ZFPM2: variants seen among roughly 807,000 people sequenced by gnomAD.
The protein encoded by ZFPM2 is zinc finger protein ZFPM2.
Under a neutral mutation model 98.6 loss-of-function variants are expected in ZFPM2, and 20 were observed. The observed-to-expected ratio is 0.20, with a 90% CI of 0.14 to 0.29. ZFPM2 has a LOEUF of 0.29. ZFPM2 is among the 10% of genes least tolerant of loss of function. ZFPM2 has a pLI of 1.00. For synonymous variants in ZFPM2, 518 were observed against 502.7 expected (o/e 1.03, Z -0.41); for missense variants, 1,310 against 1,388.6 (o/e 0.94, Z 0.90).
intron 1 of ZFPM2, among the ~76,000 whole-genome samples, chr8:105,356,440 A>C (rs1176226881): frequency 6.6e-6 from 1 of 152,218 alleles, no homozygotes; most frequent in Non-Finnish European, 1.5e-5. Flanking sequence ...TATTTGATTC[A>C]TTACACATAG....
chr8:105,802,801 G>A lies in ZFPM2; in HGVS notation c.2719G>A (p.Val907Ile). 6.2e-7 allele frequency: 1 copy of A among 1,613,622 alleles called. No individual in the cohort carries two copies. Among genetic ancestry groups the A allele is most frequent in the Non-Finnish European group, 8.5e-7 (1 of 1,179,806 alleles). The change falls in exon 8 of 8, where the codon GTC becomes ATC. Residue 907 changes from valine (V) to isoleucine (I), a missense_variant. Physicochemically the swap from Val to Ile is conservative, Grantham distance 29. Coordinates refer to ENST00000407775, the MANE Select transcript of ZFPM2 (RefSeq NM_012082.4). ...NPESERNSPD[V>I]SYERSIIKCE... ...AGAAAGCGAACGAAACAGCCCTGAT[G>A]TCAGCTACGAAAGAAGCATAATAAA...
intron 5 of ZFPM2, among the ~76,000 whole-genome samples, chr8:105,781,301 T>C (rs1813243129): frequency 6.6e-6 from 1 of 152,196 alleles, no homozygotes; most frequent in South Asian, 2.1e-4. Context: ...ATTGGGAAAG[T>C]GCTGCATTTG....
chr8:105,673,241 A>C (rs878950147), intron 5 of ZFPM2, among the ~76,000 whole-genome samples: 2 of 140,036 alleles, frequency 1.4e-5, no homozygotes, highest in Admixed American at 7.2e-5. Flanking sequence ...CTTGTCTAAA[A>C]TTTAGTAACA....
chr8:105,465,551 T>G (rs1254921967), intron 3 of ZFPM2, among the ~76,000 whole-genome samples: 1 of 151,962 alleles, frequency 6.6e-6, no homozygotes, highest in Non-Finnish European at 1.5e-5. Context: ...ATTATACTTG[T>G]AGACTTTATA....
chr8:105,440,825 A>G (rs1812221474), intron 2 of ZFPM2, among the ~76,000 whole-genome samples: 1 of 152,162 alleles, frequency 6.6e-6, no homozygotes, highest in African/African-American at 2.4e-5. Flanking sequence ...ATCCTCTGCT[A>G]TGCTATCAGT....
chr8:105,456,191 G>T (rs1192361861), intron 3 of ZFPM2, among the ~76,000 whole-genome samples: 3 of 147,376 alleles, frequency 2.0e-5, no homozygotes, highest in Non-Finnish European at 4.5e-5. Context: ...GAAGGAAGGG[G>T]CTATGCCTGG....
chr8:105,357,100 C>T (rs111780639), intron 1 of ZFPM2, among the ~76,000 whole-genome samples: 1 of 86,206 alleles, frequency 1.2e-5, no homozygotes, highest in East Asian at 3.2e-4. Flanking sequence ...TGAAGTAGTA[C>T]TGCTCCCTGG....
At chr8:105,685,507 T>C (rs1810711836) in intron 5 of ZFPM2, among the ~76,000 whole-genome samples, 1 of 152,128 alleles carries the variant, frequency 6.6e-6, no homozygotes, top group African/African-American at 2.4e-5. Flanking sequence ...TCAAAAGATA[T>C]GGAAGCATTG....
intron 3 of ZFPM2, among the ~76,000 whole-genome samples, chr8:105,548,211 TCTGAC>T (rs1207522763): frequency 1.2e-4 from 18 of 152,128 alleles, no homozygotes; most frequent in African/African-American, 4.1e-4. Context: ...TACTCACCTC[TCTGAC>T]CTTTAGTGCT....
intron 3 of ZFPM2, among the ~76,000 whole-genome samples, chr8:105,511,211 C>T (rs982748437): frequency 2.0e-4 from 30 of 152,256 alleles, no homozygotes; most frequent in Non-Finnish European, 4.3e-4. Flanking sequence ...TCCACTTCTG[C>T]TAGCTCCTTG....
At chr8:105,527,819 A>T (rs1188155429) in intron 3 of ZFPM2, among the ~76,000 whole-genome samples, 1 of 152,226 alleles carries the variant, frequency 6.6e-6, no homozygotes, top group African/African-American at 2.4e-5. Context: ...GGATTTAATC[A>T]TGAAGAAAGT....
At chr8:105,719,498 T>G (rs1811606794) in intron 5 of ZFPM2, among the ~76,000 whole-genome samples, 1 of 151,932 alleles carries the variant, frequency 6.6e-6, no homozygotes, top group Non-Finnish European at 1.5e-5. Context: ...AGACTTGGGT[T>G]TATTCCTCAC....
intron 3 of ZFPM2, among the ~76,000 whole-genome samples, chr8:105,456,953 G>A (rs557362591): frequency 7.3e-4 from 111 of 152,174 alleles, no homozygotes; most frequent in African/African-American, 2.4e-3. Flanking sequence ...GCGCCTGGCC[G>A]TGTTATTTCT....
chr8:105,610,403 T>C (rs1278663594), intron 4 of ZFPM2, among the ~76,000 whole-genome samples: 1 of 152,188 alleles, frequency 6.6e-6, no homozygotes, highest in East Asian at 1.9e-4. Flanking sequence ...ACTGTGGTGC[T>C]GACAGGGCTC....
At chr8:105,557,815 C>G (rs1815033235) in intron 3 of ZFPM2, among the ~76,000 whole-genome samples, 1 of 152,148 alleles carries the variant, frequency 6.6e-6, no homozygotes. Flanking sequence ...CTTTTCAAGT[C>G]AAACATCCAT....
intron 4 of ZFPM2, among the ~76,000 whole-genome samples, chr8:105,633,782 T>C (rs1219003233): frequency 2.6e-5 from 4 of 152,232 alleles, no homozygotes; most frequent in African/African-American, 7.2e-5. Context: ...AATAAGTTCT[T>C]ACTCTAATAT....
intron 5 of ZFPM2, among the ~76,000 whole-genome samples, chr8:105,784,001 G>T (rs998990443): frequency 6.6e-6 from 1 of 151,978 alleles, no homozygotes; most frequent in African/African-American, 2.4e-5. Context: ...AGTGCACAAG[G>T]GTTCCAGTTT....
At chr8:105,657,193 C>T (rs1436227412) in intron 5 of ZFPM2, among the ~76,000 whole-genome samples, 1 of 152,048 alleles carries the variant, frequency 6.6e-6, no homozygotes. Flanking sequence ...GGCTGGAGTG[C>T]AATGACACAA....
intron 1 of ZFPM2, among the ~76,000 whole-genome samples, chr8:105,380,060 ACT>A (rs1477941132): frequency 6.6e-6 from 1 of 152,104 alleles, no homozygotes; most frequent in Non-Finnish European, 1.5e-5. Context: ...ATGTAGGCTC[ACT>A]CTCATCTTTC....
Sources: gnomAD v4.1 joint callset for allele counts (sites outside exome capture counted in the v4.1 genomes callset) on GRCh38, gnomAD v4.1.1 for gene constraint, MANE v1.5 for transcripts, NCBI Gene and HGNC (gene_info 2026-07-23, HGNC 2026-07-21) for gene names.